The following CHST9 variants were observed in gnomAD, a reference collection of about 807,000 sequenced individuals.
CHST9 encodes the protein carbohydrate sulfotransferase 9, also known as GalNAc-4-sulfotransferase 2.
Under a neutral mutation model 44.4 loss-of-function variants are expected in CHST9, and 41 were observed. That is an observed-to-expected ratio of 0.92 (90% CI 0.72 to 1.20). The LOEUF (loss-of-function observed/expected upper bound fraction) is 1.20, where lower values mean the gene tolerates loss of function less well. Ranked by LOEUF, CHST9 falls within the 50% of genes most tolerant of loss-of-function variation. The probability of loss-of-function intolerance (pLI) is 0.00; values close to 1 mark genes in which losing one functional copy is unlikely to be tolerated. For missense variants in CHST9, 504 were observed against 516.5 expected, an observed-to-expected ratio of 0.98 and a Z score of 0.23; for synonymous variants, 171 against 178.4, an observed-to-expected ratio of 0.96 and a Z score of 0.33.
rs564398194 is a variant in CHST9 at position 26,932,094 on chromosome 18, G to A, written c.240+12235C>T. On this transcript the variant is annotated intron_variant, in intron 5 of 5. Coordinates refer to ENST00000618847, the MANE Select transcript of CHST9 (RefSeq NM_031422.6). Reference sequence around the variant, plus strand: ...GTCAACTCTAGTTAGAATGAATGAGGACATCATCCCACCTTTGGTTGCTTC... The same window carrying A: ...GTCAACTCTAGTTAGAATGAATGAGAACATCATCCCACCTTTGGTTGCTTC... Among the ~76,000 whole-genome samples, 7 of 152,132 alleles carry A rather than the reference G, an allele frequency of 4.6e-5. No homozygotes were observed. In the South Asian group the frequency reaches 1.3e-3, roughly 27 times the overall value.
chr18:27,021,700 T>C (rs2057228538), intron 4 of CHST9, among the ~76,000 whole-genome samples: 1 of 152,216 alleles, frequency 6.6e-6, no homozygotes. Flanking sequence ...AAGCTCTTAC[T>C]CACAGAAGAC....
chr18:26,972,732 G>A (rs1363015819), intron 4 of CHST9, among the ~76,000 whole-genome samples: 2 of 152,202 alleles, frequency 1.3e-5, no homozygotes, highest in Non-Finnish European at 2.9e-5. Context: ...GGCAGGGGGC[G>A]GCGGCGAGCA....
At position 27,094,031 on chromosome 18, in the gene CHST9, G is replaced by A. The variant is rs537112208; in HGVS notation, c.122-45528C>T. Among the ~76,000 whole-genome samples the A allele has an allele frequency of 7.2e-4, 109 of 152,198 alleles. 1 individual carries two copies. The South Asian group carries it at 9.1e-3, about 13-fold the overall frequency. On this transcript the variant is annotated intron_variant, in intron 2 of 5. Transcript: ENST00000618847. ...ATATAGTGGAGCACGCAAATTTTAC[G>A]TTAAATATCTGCAAAAGGGTTATTT...
chr18:27,114,306 C>T (rs1042655056), intron 2 of CHST9, among the ~76,000 whole-genome samples: 8 of 152,270 alleles, frequency 5.3e-5, no homozygotes, highest in African/African-American at 1.9e-4. Flanking sequence ...TTTATATAGA[C>T]GAGATGGTTG....
intron 2 of CHST9, among the ~76,000 whole-genome samples, chr18:27,066,639 G>C (rs948678373): frequency 1.4e-4 from 21 of 151,982 alleles, no homozygotes; most frequent in Admixed American, 7.9e-4. Context: ...GACCCCCAAA[G>C]GCCTAAATCA....
chr18:27,072,011 T>C (rs929774558), intron 2 of CHST9, among the ~76,000 whole-genome samples: 20 of 152,232 alleles, frequency 1.3e-4, no homozygotes, highest in African/African-American at 4.8e-4. Flanking sequence ...CTTACCATTA[T>C]GTATAAGTGT....
intron 4 of CHST9, among the ~76,000 whole-genome samples, chr18:26,999,001 T>G (rs1598626562): frequency 6.6e-6 from 1 of 152,184 alleles, no homozygotes; most frequent in East Asian, 1.9e-4. Flanking sequence ...CATTTCCTTT[T>G]AAGTCATTCT....
At chr18:27,148,109 T>C (rs2058629086) in intron 1 of CHST9, among the ~76,000 whole-genome samples, 1 of 152,134 alleles carries the variant, frequency 6.6e-6, no homozygotes, top group African/African-American at 2.4e-5. Context: ...ACTGAGAACA[T>C]GCAGTATTTG....
chr18:26,951,145 T>C (rs1225173400), intron 4 of CHST9, among the ~76,000 whole-genome samples: 1 of 152,192 alleles, frequency 6.6e-6, no homozygotes, highest in Non-Finnish European at 1.5e-5. Flanking sequence ...GAGACACTTC[T>C]GTGCATTCAT....
At chr18:27,090,633 G>A (rs2058059064) in intron 2 of CHST9, among the ~76,000 whole-genome samples, 1 of 152,180 alleles carries the variant, frequency 6.6e-6, no homozygotes, top group Non-Finnish European at 1.5e-5. Context: ...TAAGGTGTAA[G>A]GAAGGGATCC....
At chr18:27,078,605 G>A (rs1236108435) in intron 2 of CHST9, among the ~76,000 whole-genome samples, 1 of 152,082 alleles carries the variant, frequency 6.6e-6, no homozygotes, top group Non-Finnish European at 1.5e-5. Context: ...TATGTGACTT[G>A]CCTGAGGCTT....
intron 2 of CHST9, among the ~76,000 whole-genome samples, chr18:27,055,887 T>G (rs1431804871): frequency 6.6e-6 from 1 of 152,072 alleles, no homozygotes; most frequent in African/African-American, 2.4e-5. Flanking sequence ...AATGAGGTCT[T>G]GAGTACCTTC....
intron 2 of CHST9, among the ~76,000 whole-genome samples, chr18:27,106,514 C>G (rs913590951): frequency 4.6e-5 from 7 of 152,134 alleles, no homozygotes; most frequent in Non-Finnish European, 8.8e-5. Context: ...TGCACATGAC[C>G]TTTGGAAAAC....
intron 2 of CHST9, among the ~76,000 whole-genome samples, chr18:27,133,182 G>T (rs1186325520): frequency 6.6e-6 from 1 of 152,210 alleles, no homozygotes; most frequent in Non-Finnish European, 1.5e-5. Flanking sequence ...TAATATGGCA[G>T]TTCCTGGTAC....
At chr18:27,052,755 A>C (rs2057583071) in intron 2 of CHST9, among the ~76,000 whole-genome samples, 1 of 152,164 alleles carries the variant, frequency 6.6e-6, no homozygotes, top group African/African-American at 2.4e-5. Context: ...AAAAAGAATG[A>C]GTTCATGTCC....
At chr18:27,139,783 G>C (rs1250354919) in intron 2 of CHST9, among the ~76,000 whole-genome samples, 1 of 152,010 alleles carries the variant, frequency 6.6e-6, no homozygotes, top group Non-Finnish European at 1.5e-5. Flanking sequence ...GAGAATAAAT[G>C]GTAAGTGTTT....
At chr18:27,009,772 G>T (rs1454219262) in intron 4 of CHST9, among the ~76,000 whole-genome samples, 3 of 152,172 alleles carry the variant, frequency 2.0e-5, no homozygotes, top group Non-Finnish European at 4.4e-5. Context: ...CTGAAACAAA[G>T]CTTCTGAGTT....
intron 2 of CHST9, among the ~76,000 whole-genome samples, chr18:27,140,352 G>C (rs1329348697): frequency 1.3e-5 from 2 of 152,050 alleles, no homozygotes; most frequent in Non-Finnish European, 2.9e-5. Flanking sequence ...GTAAACATTT[G>C]GCACTTATTA....
At chr18:27,002,303 C>A (rs2056963709) in intron 4 of CHST9, among the ~76,000 whole-genome samples, 1 of 151,996 alleles carries the variant, frequency 6.6e-6, no homozygotes, top group South Asian at 2.1e-4. Flanking sequence ...CATTATGTAG[C>A]CTCCTGCAAC....
Sources: allele counts gnomAD v4.1 joint callset (sites outside exome capture counted in the v4.1 genomes callset), GRCh38; gene constraint gnomAD v4.1.1; transcripts MANE v1.5; gene names NCBI Gene and HGNC (gene_info 2026-07-23, HGNC 2026-07-21).